Variants in DGKE observed in about 807,000 individuals in gnomAD.
DGKE encodes DAG kinase epsilon.
Under a neutral mutation model 70.0 loss-of-function variants are expected in DGKE, and 53 were observed. That is an observed-to-expected ratio of 0.76 (90% confidence interval 0.61 to 0.95). The LOEUF (loss-of-function observed/expected upper bound fraction) is 0.95, where lower values mean the gene tolerates loss of function less well. DGKE is among the 40% of genes least tolerant of loss of function. The pLI is 0.00. For synonymous variants in DGKE, 291 were observed against 257.0 expected, an observed-to-expected ratio of 1.13 and a Z score of -1.27; for missense variants, 655 against 706.9, an observed-to-expected ratio of 0.93 and a Z score of 0.83.
rs1210259742 is a variant in DGKE at position 56,848,819 on chromosome 17, A to C, written c.1012A>C (p.Asn338His). The change falls in exon 6 of 12, where the codon AAT (asparagine) becomes CAT (histidine). Residue 338 changes from asparagine (N) to histidine (H), a missense_variant. Physicochemically the swap from Asn to His is moderately conservative, Grantham distance 68 (BLOSUM62 1). Coordinates refer to ENST00000284061, the MANE Select transcript of DGKE (RefSeq NM_003647.3). ...GEIPVAQVLRNVMEADGIKLD... is the reference protein window; with the variant it reads ...GEIPVAQVLRHVMEADGIKLD... ...AATTCCAGTTGCGCAGGTTTTGCGAAATGTAATGGAAGCAGATGGAATTAA... is the reference window on the plus strand; with the variant it reads ...AATTCCAGTTGCGCAGGTTTTGCGACATGTAATGGAAGCAGATGGAATTAA... 1 of 1,614,204 alleles carries C rather than the reference A, an allele frequency of 6.2e-7. No individual in the cohort carries two copies. The highest frequency in any genetic ancestry group is 8.5e-7 in the Non-Finnish European group (1 of 1,180,028).
Sources: gnomAD v4.1 joint callset for allele counts on GRCh38, gnomAD v4.1.1 for gene constraint, MANE v1.5 for transcripts, NCBI Gene and HGNC (gene_info 2026-07-23, HGNC 2026-07-21) for gene names.